The following CLEC1A variants were observed in gnomAD, a reference collection of about 807,000 sequenced individuals.
The protein encoded by CLEC1A is C-type lectin-like receptor-1.
CLEC1A carries 34 observed loss-of-function variants against 28.7 expected under a neutral mutation model. The observed-to-expected ratio is 1.18, with a 90% CI of 0.90 to 1.57. The LOEUF is 1.57. Among genes scored for constraint, CLEC1A ranks in the 40% most tolerant of loss-of-function variants. The probability of loss-of-function intolerance (pLI) is 0.00; values close to 1 mark genes in which losing one functional copy is unlikely to be tolerated. For synonymous variants in CLEC1A, 116 were observed against 121.0 expected (o/e 0.96, Z 0.27); for missense variants, 385 against 339.5 (o/e 1.13, Z -1.05).
chr12:10,096,884 C>T (rs1410872469), intron 1 of CLEC1A, among the ~76,000 whole-genome samples: 1 of 152,100 alleles, frequency 6.6e-6, no homozygotes, highest in Admixed American at 6.5e-5. Context: ...TCCTGAACTC[C>T]TCTACTTAAT....
In CLEC1A at chr12:10,073,327, G is replaced by C. The variant is rs745431953; in HGVS notation, c.628C>G (p.Leu210Val). 22 of 1,613,724 alleles carry C rather than the reference G, an allele frequency of 1.4e-5. No individual in the cohort carries two copies. The highest frequency in any genetic ancestry group is 1.8e-5 in the Non-Finnish European group (21 of 1,179,750). The change falls in exon 5 of 6, where the codon CTG (leucine) becomes GTG (valine). Residue 210 changes from leucine to valine, a missense_variant. By Grantham distance (32) the Leu-to-Val change is conservative. Transcript: ENST00000315330. The part of the protein sequence containing the change: ...LLRPDSGKAW[L>V]WMDGTPFTSE... ...GTGAAAGGGGTTCCATCCATCCACA[G>C]CCAGGCCTTGCCACTGTCAGGGCGC...
chr12:10,098,741 G>A, intron 1 of CLEC1A, 67 bp downstream of exon 1: 1 of 940,482 alleles, frequency 1.1e-6, no homozygotes, highest in Non-Finnish European at 1.6e-6. Flanking sequence ...CCATTTCTAG[G>A]AGGGATAGAT....
In CLEC1A at chr12:10,089,488, G is replaced by T. The variant is rs115352978; in HGVS notation, c.116-266C>A. The stretch of plus-strand genomic sequence containing the variant: ...CTTACTTTGCACTGAATCACACTAT[G>T]CATTACCATTATCTTTATGTGGTTC... On this transcript the variant is annotated intron_variant, in intron 1 of 5. Coordinates refer to ENST00000315330, the MANE Select transcript of CLEC1A (RefSeq NM_016511.4). Among the ~76,000 whole-genome samples the T allele has an allele frequency of 1.1e-3, 168 of 151,974 alleles. 1 individual carries two copies. The highest frequency in any genetic ancestry group is 3.7e-3 in the African/African-American group (155 of 41,440).
At chr12:10,092,117 A>T (rs7969125) in intron 1 of CLEC1A, among the ~76,000 whole-genome samples, 112,407 of 152,086 alleles carry the variant, frequency 0.74, 43,686 homozygotes, top group Non-Finnish European at 0.88. Flanking sequence ...AAATCCTGTG[A>T]CCTCTTATAA....
chr12:10,080,342 A>G (rs1023898588), intron 3 of CLEC1A, among the ~76,000 whole-genome samples: 1 of 152,098 alleles, frequency 6.6e-6, no homozygotes, highest in Admixed American at 6.5e-5. Flanking sequence ...GAAAAAGAAA[A>G]ATTAGTAAAT....
intron 1 of CLEC1A, chr12:10,092,456 A>T: frequency 2.6e-6 from 1 of 387,138 alleles, no homozygotes; most frequent in South Asian, 1.8e-5. Context: ...CTGAGGTGGG[A>T]GGATTGCTTG....
At chr12:10,080,368 A>G (rs1866342922) in intron 3 of CLEC1A, among the ~76,000 whole-genome samples, 2 of 152,148 alleles carry the variant, frequency 1.3e-5, no homozygotes, top group Non-Finnish European at 2.9e-5. Flanking sequence ...CATTATGACC[A>G]TTGAGGTCAT....
At chr12:10,088,118 T>C (rs926859895) in intron 2 of CLEC1A, among the ~76,000 whole-genome samples, 1 of 152,276 alleles carries the variant, frequency 6.6e-6, no homozygotes, top group African/African-American at 2.4e-5. Context: ...ATTAGGATCA[T>C]TGAGAACAAG....
At chr12:10,074,919 CT>C (rs1291745265) in intron 4 of CLEC1A, among the ~76,000 whole-genome samples, 1 of 152,138 alleles carries the variant, frequency 6.6e-6, no homozygotes, top group Admixed American at 6.5e-5. Context: ...TATTTGAGAA[CT>C]TCAATTCAAA....
At chr12:10,076,596 A>G (rs1342327842) in intron 3 of CLEC1A, among the ~76,000 whole-genome samples, 2 of 152,212 alleles carry the variant, frequency 1.3e-5, no homozygotes, top group East Asian at 1.9e-4. Flanking sequence ...GAATTCTACC[A>G]GGAGAAATGT....
intron 2 of CLEC1A, among the ~76,000 whole-genome samples, chr12:10,083,784 T>A (rs1866419287): frequency 6.6e-6 from 1 of 152,078 alleles, no homozygotes; most frequent in Non-Finnish European, 1.5e-5. Context: ...AAACAAATTT[T>A]AAAAAACAAT....
intron 5 of CLEC1A, 51 bp downstream of exon 5, chr12:10,073,242 G>T: frequency 1.4e-6 from 2 of 1,405,644 alleles, no homozygotes; most frequent in Non-Finnish European, 2.0e-6. Context: ...TATCACTCAA[G>T]CAAAATATCT....
At chr12:10,085,697 A>G (rs1866478070) in intron 2 of CLEC1A, among the ~76,000 whole-genome samples, 1 of 152,224 alleles carries the variant, frequency 6.6e-6, no homozygotes, top group South Asian at 2.1e-4. Flanking sequence ...TAAAAAAATG[A>G]GATAGACAGC....
At chr12:10,072,106 T>G (rs1308814848) in intron 5 of CLEC1A, among the ~76,000 whole-genome samples, 1 of 152,078 alleles carries the variant, frequency 6.6e-6, no homozygotes, top group South Asian at 2.1e-4. Context: ...GCCCTCTTCT[T>G]GGTGATGAGT....
rs11453815 is a variant in CLEC1A at position 10,097,915 on chromosome 12, T to TAAAAAAAA, written c.115+885_115+892dup. Among the ~76,000 whole-genome samples the TAAAAAAAA allele has an allele frequency of 3.8e-4, 45 of 117,878 alleles. 3 individuals carry two copies. The highest frequency in any genetic ancestry group is 1.1e-3 in the African/African-American group (34 of 31,680). The allele number at this position is 117,878 out of a possible 152,430, so 77.3% of individuals were successfully genotyped here. On this transcript the variant is annotated intron_variant, in intron 1 of 5. Transcript: ENST00000315330. ...TTAACAGCTTACTGGGTAGTTTAGT[T>TAAAAAAAA]AAAAAAAAAAAAAGCCATATTAGTA...
chr12:10,071,453 A>C lies in CLEC1A; in HGVS notation c.723T>G (p.Asn241Lys). 1 of 1,613,730 alleles carries C rather than the reference A, an allele frequency of 6.2e-7. No individual in the cohort carries two copies. Among genetic ancestry groups the C allele is most frequent in the Non-Finnish European group, 8.5e-7 (1 of 1,179,680 alleles). Residue 241 changes from asparagine (N) to lysine (K), a missense_variant, in exon 6 of 6, where the codon AAT (asparagine) becomes AAG (lysine). By Grantham distance (94) the Asn-to-Lys change is moderately conservative (BLOSUM62 0). Coordinates refer to ENST00000315330, the MANE Select transcript of CLEC1A (RefSeq NM_016511.4). ...PRSRDCVAILNGMIFSKDCKE... is the reference protein window; with the variant it reads ...PRSRDCVAILKGMIFSKDCKE... Reference sequence around the variant, plus strand: ...TGCAGTCCTTTGAGAAGATCATCCCATTAAGGATGGCCACACAGTCTCTGC... The same window carrying C: ...TGCAGTCCTTTGAGAAGATCATCCCCTTAAGGATGGCCACACAGTCTCTGC...
Position 10,081,263 on chromosome 12 carries a change from CAG to C in CLEC1A, c.363_364del (p.Cys122SerfsTer2). On this transcript the variant is annotated frameshift_variant, in exon 3 of 6. Transcript: ENST00000315330. LOFTEE classifies it high-confidence loss of function. ...TCCAGCTTTGTTATACAGCTCACGACAGAGTTTTTCAGCCACATGCTGCAGAC... is the reference window on the plus strand; with the variant it reads ...TCCAGCTTTGTTATACAGCTCACGACAGTTTTTCAGCCACATGCTGCAGAC... The C allele has an allele frequency of 2.5e-6, 4 of 1,608,966 alleles. No homozygotes were observed. Among genetic ancestry groups the C allele is most frequent in the Non-Finnish European group, 3.4e-6 (4 of 1,177,360 alleles).
intron 4 of CLEC1A, among the ~76,000 whole-genome samples, chr12:10,074,991 G>T (rs563291740): frequency 2.0e-5 from 3 of 152,256 alleles, no homozygotes; most frequent in Admixed American, 2.0e-4. Flanking sequence ...CTTTAATTGC[G>T]TGTACTAACT....
chr12:10,094,865 G>C (rs575857913), intron 1 of CLEC1A, among the ~76,000 whole-genome samples: 1 of 152,206 alleles, frequency 6.6e-6, no homozygotes, highest in East Asian at 1.9e-4. Flanking sequence ...TTAGTGTACT[G>C]TATCAGGCTC....
Sources: allele counts gnomAD v4.1 joint callset (sites outside exome capture counted in the v4.1 genomes callset), GRCh38; gene constraint gnomAD v4.1.1; transcripts MANE v1.5; gene names NCBI Gene and HGNC (gene_info 2026-07-23, HGNC 2026-07-21).